The following SLC9B1 variants were observed in gnomAD, a reference collection of about 807,000 sequenced individuals.
SLC9B1 encodes solute carrier family 9 member B1, also known as sodium/hydrogen exchanger 9B1.
SLC9B1 carries 32 observed loss-of-function variants against 51.7 expected under a neutral mutation model. The observed-to-expected ratio is 0.62, with a 90% CI of 0.47 to 0.83. The LOEUF (loss-of-function observed/expected upper bound fraction) is 0.83, where lower values mean the gene tolerates loss of function less well. SLC9B1 is among the 40% of genes least tolerant of loss of function. The pLI is 0.00. For synonymous variants in SLC9B1, 145 were observed against 212.7 expected (o/e 0.68, Z 2.77); for missense variants, 406 against 613.2 (o/e 0.66, Z 3.57).
At chr4:102,928,716 G>A (rs1352483099) in intron 7 of SLC9B1, among the ~76,000 whole-genome samples, 2 of 152,090 alleles carry the variant, frequency 1.3e-5, no homozygotes, top group Non-Finnish European at 2.9e-5. Context: ...ACAAAGTGAA[G>A]TCCCACAACA....
At position 102,932,273 on chromosome 4, in the gene SLC9B1, G is replaced by A. The variant is rs2110459131; in HGVS notation, c.680C>T (p.Ala227Val). The A allele has an allele frequency of 6.2e-7, 1 of 1,611,720 alleles. No individual in the cohort carries two copies. Among genetic ancestry groups the A allele is most frequent in the East Asian group, 2.2e-5 (1 of 44,838 alleles). The change falls in exon 7 of 12, where the codon GCT becomes GTT. Residue 227 changes from alanine (A) to valine (V), a missense_variant. By Grantham distance (64) the Ala-to-Val change is moderately conservative (BLOSUM62 0). Around this residue, in one of 6 missense-constraint regions of SLC9B1, gnomAD observed 250 missense variants for 394.1 expected, o/e 0.63. Transcript: ENST00000296422. ...LGFVLGAVSP[A>V]VVVPYMMVLQ... Reference sequence around the variant, plus strand: ...CACCATCATGTAAGGGACAACAACAGCAGGAGAGACAGCACCTAGAACAAA... The same window carrying A: ...CACCATCATGTAAGGGACAACAACAACAGGAGAGACAGCACCTAGAACAAA...
intron 7 of SLC9B1, among the ~76,000 whole-genome samples, chr4:102,912,687 C>T (rs1489459788): frequency 2.0e-5 from 3 of 152,094 alleles, no homozygotes; most frequent in Non-Finnish European, 4.4e-5. Flanking sequence ...TTGAGACCAG[C>T]TTGGGCAACA....
At chr4:103,018,051 A>G (rs1741484399) in intron 1 of SLC9B1, among the ~76,000 whole-genome samples, 1 of 152,222 alleles carries the variant, frequency 6.6e-6, no homozygotes, top group Admixed American at 6.5e-5. Context: ...AAAAATATTT[A>G]TTGAACATAT....
At chr4:102,962,840 A>G (rs1738210145) in intron 3 of SLC9B1, 1 of 473,104 alleles carries the variant, frequency 2.1e-6, no homozygotes, top group African/African-American at 2.0e-5. Flanking sequence ...GAAGTGGATC[A>G]AACAATACAC....
At chr4:102,941,369 CG>C (rs1411371926) in intron 6 of SLC9B1, 1 of 414,146 alleles carries the variant, frequency 2.4e-6, no homozygotes, top group Non-Finnish European at 4.9e-6. Flanking sequence ...AAGACAAACA[CG>C]TAGTCAACAA....
chr4:102,914,564 G>A (rs1222094487), intron 7 of SLC9B1, among the ~76,000 whole-genome samples: 1 of 152,136 alleles, frequency 6.6e-6, no homozygotes, highest in African/African-American at 2.4e-5. Context: ...AGATGGAGTT[G>A]ATTAGGTCTG....
At chr4:102,975,249 T>C (rs1179999144) in intron 3 of SLC9B1, among the ~76,000 whole-genome samples, 1 of 152,138 alleles carries the variant, frequency 6.6e-6, no homozygotes, top group Non-Finnish European at 1.5e-5. Flanking sequence ...CTTCAAATGA[T>C]TCTTCCACCT....
At chr4:103,003,168 T>C (rs778047716) in intron 1 of SLC9B1, among the ~76,000 whole-genome samples, 7 of 152,204 alleles carry the variant, frequency 4.6e-5, no homozygotes, top group Non-Finnish European at 7.3e-5. Flanking sequence ...ATAATTCATC[T>C]ACTATCTTGT....
chr4:102,943,644 G>GA (rs1374438709), intron 6 of SLC9B1, among the ~76,000 whole-genome samples: 2 of 152,186 alleles, frequency 1.3e-5, no homozygotes, highest in East Asian at 1.9e-4. Flanking sequence ...ATTCAGGAAT[G>GA]AAAAAACCAA....
chr4:102,885,921 T>C (rs1190146759), intron 11 of SLC9B1, among the ~76,000 whole-genome samples: 2 of 152,184 alleles, frequency 1.3e-5, no homozygotes, highest in Non-Finnish European at 2.9e-5. Context: ...AATGATAGCC[T>C]CAATTATAGA....
Position 102,906,973 on chromosome 4 carries a change from G to A in SLC9B1, c.1087-329C>T, listed in dbSNP as rs193082521. Among the ~76,000 whole-genome samples the A allele has an allele frequency of 1.8e-3, 272 of 152,246 alleles. 5 individuals are homozygous for A. Among genetic ancestry groups the A allele is most frequent in the African/African-American group, 6.4e-3 (265 of 41,548 alleles). ...TCCTGTCCTCAAGTGGTCTCTGGCT[G>A]TGGCGTCCCAAAGCACTGGCATTAT... On this transcript the variant is annotated intron_variant, in intron 9 of 11. Coordinates refer to ENST00000296422, the MANE Select transcript of SLC9B1 (RefSeq NM_139173.4).
chr4:102,951,283 A>C (rs1197433734), intron 3 of SLC9B1, among the ~76,000 whole-genome samples: 2 of 152,168 alleles, frequency 1.3e-5, no homozygotes, highest in African/African-American at 4.8e-5. Flanking sequence ...CTAATTCAAA[A>C]AATCTCTAAT....
chr4:102,946,638 TA>T lies in SLC9B1; in HGVS notation c.525+8del. The stretch of plus-strand genomic sequence containing the variant: ...AATAACCTTACTCGATTTGTAATTG[TA>T]AATCTACCTGTGGATCGAGTCCAAG... On this transcript the variant is annotated splice_region_variant and intron_variant, in intron 5 of 11. Transcript: ENST00000296422. 1 of 1,598,992 alleles carries T rather than the reference TA, an allele frequency of 6.3e-7. No homozygotes were observed. Among genetic ancestry groups the T allele is most frequent in the South Asian group, 1.1e-5 (1 of 87,264 alleles).
At chr4:102,887,333 C>G (rs1289144538) in intron 11 of SLC9B1, 14 of 1,205,752 alleles carry the variant, frequency 1.2e-5, no homozygotes, top group Non-Finnish European at 1.7e-5. Context: ...ATTCTTTTTT[C>G]TTTTTAGTTT....
chr4:103,002,673 A>G (rs1401517744), intron 1 of SLC9B1, among the ~76,000 whole-genome samples: 1 of 152,248 alleles, frequency 6.6e-6, no homozygotes, highest in Non-Finnish European at 1.5e-5. Context: ...TTGGAAATCA[A>G]TTACAAAGCT....
intron 1 of SLC9B1, among the ~76,000 whole-genome samples, chr4:103,013,758 G>A (rs192308337): frequency 6.6e-6 from 1 of 152,290 alleles, no homozygotes; most frequent in East Asian, 1.9e-4. Context: ...AACAGAAACT[G>A]AGAAGTCATT....
chr4:102,972,745 T>G (rs72937444), intron 3 of SLC9B1, among the ~76,000 whole-genome samples: 282 of 152,296 alleles, frequency 1.9e-3, no homozygotes, highest in African/African-American at 6.6e-3. Context: ...AAAATGTGCA[T>G]TTAAAATAAA....
intron 6 of SLC9B1, among the ~76,000 whole-genome samples, chr4:102,943,412 A>G (rs1242442941): frequency 6.6e-6 from 1 of 152,138 alleles, no homozygotes; most frequent in African/African-American, 2.4e-5. Flanking sequence ...CAATTGCAAA[A>G]AATACGGAAC....
chr4:102,890,118 C>A (rs1434780429), intron 11 of SLC9B1: 3 of 152,152 alleles, frequency 2.0e-5, no homozygotes, highest in Non-Finnish European at 4.4e-5. Flanking sequence ...ATGAATGATT[C>A]ATTCATATGG....
Sources: allele counts gnomAD v4.1 joint callset (sites outside exome capture counted in the v4.1 genomes callset), GRCh38; gene constraint gnomAD v4.1.1; regional missense constraint gnomAD v4.1.1; transcripts MANE v1.5; gene names NCBI Gene and HGNC (gene_info 2026-07-23, HGNC 2026-07-21).